The following CAPS2 variants were observed in gnomAD, a reference collection of about 807,000 sequenced individuals.
The protein encoded by CAPS2 is calcyphosine 2.
CAPS2 carries 98 observed loss-of-function variants against 86.5 expected under a neutral mutation model. The observed-to-expected ratio is 1.13, with a 90% confidence interval of 0.96 to 1.34. CAPS2 has a LOEUF of 1.34. Ranked by LOEUF, CAPS2 falls within the 40% of genes most tolerant of loss-of-function variation. The pLI, the probability that CAPS2 is intolerant of heterozygous loss-of-function variation, is 0.00. For missense variants in CAPS2, 729 were observed against 686.8 expected (o/e 1.06, Z -0.69); for synonymous variants, 210 against 225.1 (o/e 0.93, Z 0.60).
intron 11 of CAPS2, 61 bp downstream of exon 11, chr12:75,298,626 A>G (rs2037292708): frequency 7.6e-7 from 1 of 1,308,664 alleles, no homozygotes; most frequent in Non-Finnish European, 1.1e-6. Flanking sequence ...CTCCACCTCC[A>G]TGGGACTCCA....
chr12:75,312,802 T>C (rs1373699137), intron 7 of CAPS2, 46 bp downstream of exon 7: 4 of 1,118,086 alleles, frequency 3.6e-6, no homozygotes, highest in Admixed American at 3.4e-5. Context: ...ATAAATTTAA[T>C]GAAAACTTTC....
At chr12:75,288,418 G>GC (rs1236247832) in intron 14 of CAPS2, among the ~76,000 whole-genome samples, 5 of 152,112 alleles carry the variant, frequency 3.3e-5, no homozygotes, top group South Asian at 2.1e-4. Context: ...CTCAGGCAGA[G>GC]CCCCCCAATC....
downstream of CAPS2, chr12:75,276,062 T>C: frequency 4.1e-6 from 3 of 732,436 alleles, no homozygotes; most frequent in South Asian, 9.0e-5. Flanking sequence ...AAAATAAAAA[T>C]GGAACGATAT....
At chr12:75,306,458 A>G in intron 7 of CAPS2, 1 of 279,070 alleles carries the variant, frequency 3.6e-6, no homozygotes, top group Admixed American at 3.8e-5. Flanking sequence ...ACAGTGCAGT[A>G]TTCACGTGTA....
chr12:75,280,598 T>C (rs1024174646), intron 16 of CAPS2, among the ~76,000 whole-genome samples: 1 of 151,906 alleles, frequency 6.6e-6, no homozygotes, highest in African/African-American at 2.4e-5. Flanking sequence ...TATTTCGTTC[T>C]TATATTTAGT....
At chr12:75,367,097 G>A (rs2044020964) in intron 1 of CAPS2, 2 of 692,896 alleles carry the variant, frequency 2.9e-6, no homozygotes, top group East Asian at 5.4e-5. Flanking sequence ...TTAATTTGGG[G>A]AGAAAACGTA....
chr12:75,381,773 C>A (rs574521898), intron 1 of CAPS2, among the ~76,000 whole-genome samples: 1 of 151,926 alleles, frequency 6.6e-6, no homozygotes, highest in African/African-American at 2.4e-5. Flanking sequence ...TGTCACCATG[C>A]CCAGCTAATT....
chr12:75,384,834 C>T (rs1252652631), intron 1 of CAPS2, among the ~76,000 whole-genome samples: 4 of 130,760 alleles, frequency 3.1e-5, no homozygotes, highest in Non-Finnish European at 6.7e-5. Flanking sequence ...TTCCAGATTG[C>T]TCTGGTCTAA....
chr12:75,359,878 C>T (rs1423336387), intron 1 of CAPS2: 2 of 152,078 alleles, frequency 1.3e-5, no homozygotes, highest in African/African-American at 4.8e-5. Flanking sequence ...ATACCCAAGA[C>T]TGGGTCATTT....
intron 11 of CAPS2, among the ~76,000 whole-genome samples, chr12:75,294,464 C>T (rs981072934): frequency 6.6e-6 from 1 of 152,152 alleles, no homozygotes; most frequent in African/African-American, 2.4e-5. Flanking sequence ...GACCGGTGAG[C>T]CACTCTTTGA....
intron 7 of CAPS2, chr12:75,305,370 C>CGA (rs2138662300): frequency 2.7e-6 from 1 of 372,044 alleles, no homozygotes; most frequent in South Asian, 2.9e-5. Flanking sequence ...ACAAGACTTC[C>CGA]TCTCCAGGAG....
intron 1 of CAPS2, among the ~76,000 whole-genome samples, chr12:75,390,040 C>T (rs2045497169): frequency 6.6e-6 from 1 of 152,188 alleles, no homozygotes; most frequent in African/African-American, 2.4e-5. Context: ...AAATGTTTGG[C>T]TAACCTGTTA....
chr12:75,386,308 C>G (rs924620536), intron 1 of CAPS2, among the ~76,000 whole-genome samples: 37 of 152,162 alleles, frequency 2.4e-4, no homozygotes, highest in Non-Finnish European at 3.1e-4. Flanking sequence ...CACAGAATAT[C>G]TGATATTTGG....
At chr12:75,288,268 C>A (rs985329532) in intron 14 of CAPS2, among the ~76,000 whole-genome samples, 1 of 152,036 alleles carries the variant, frequency 6.6e-6, no homozygotes, top group Non-Finnish European at 1.5e-5. Context: ...ATCATAAAAA[C>A]CAAAAAGATG....
At chr12:75,331,852 C>T (rs1315114146), upstream of CAPS2, among the ~76,000 whole-genome samples, 2 of 152,076 alleles carry the variant, frequency 1.3e-5, no homozygotes, top group African/African-American at 4.8e-5. Flanking sequence ...CGTGAGCCAC[C>T]GCGCCCGGCC....
intron 1 of CAPS2, among the ~76,000 whole-genome samples, chr12:75,376,203 T>G (rs185479457): frequency 3.7e-4 from 57 of 152,350 alleles, no homozygotes; most frequent in African/African-American, 1.3e-3. Context: ...ATTAGAACTT[T>G]TTTTAACTCC....
chr12:75,305,397 A>T (rs1467290958), intron 7 of CAPS2: 1 of 408,070 alleles, frequency 2.5e-6, no homozygotes, highest in African/African-American at 2.1e-5. Context: ...GAGGGAGGGC[A>T]GACTCAAAGT....
At chr12:75,280,286 C>T (rs535434425) in intron 16 of CAPS2, among the ~76,000 whole-genome samples, 104 of 151,796 alleles carry the variant, frequency 6.9e-4, no homozygotes, top group Non-Finnish European at 1.3e-3. Flanking sequence ...CCCAGAGGTG[C>T]GCATGTGAAT....
At chr12:75,347,295 C>T (rs914085009) in intron 1 of CAPS2, among the ~76,000 whole-genome samples, 2 of 151,850 alleles carry the variant, frequency 1.3e-5, no homozygotes, top group South Asian at 2.1e-4. Context: ...GTATGATATT[C>T]CCAGGGATAG....
Sources: allele counts gnomAD v4.1 joint callset (sites outside exome capture counted in the v4.1 genomes callset), GRCh38; gene constraint gnomAD v4.1.1; transcripts MANE v1.5; gene names NCBI Gene and HGNC (gene_info 2026-07-23, HGNC 2026-07-21).